Variants in GRIK4 observed in about 807,000 individuals in gnomAD.
The protein encoded by GRIK4 is glutamate receptor ionotropic, kainate 4.
A neutral mutation model predicts 104.9 loss-of-function variants in GRIK4; 40 were observed. The ratio of observed to expected loss-of-function variants is 0.38; its 90% CI spans 0.30 to 0.50. The LOEUF is 0.50. Ranked by LOEUF, GRIK4 falls within the 20% of genes least tolerant of loss-of-function variation. The probability of loss-of-function intolerance (pLI) is 0.93; values close to 1 mark genes in which losing one functional copy is unlikely to be tolerated. For missense variants in GRIK4, 1,047 were observed against 1,308.1 expected, an observed-to-expected ratio of 0.80 and a Z score of 3.08; for synonymous variants, 485 against 524.9, an observed-to-expected ratio of 0.92 and a Z score of 1.04.
chr11:120,948,297 A>G (rs1471358608), intron 14 of GRIK4, among the ~76,000 whole-genome samples: 1 of 152,238 alleles, frequency 6.6e-6, no homozygotes, highest in Non-Finnish European at 1.5e-5. Flanking sequence ...AGAAATGCAT[A>G]TGAAGGACCC....
intron 19 of GRIK4, among the ~76,000 whole-genome samples, chr11:120,979,892 G>A (rs918709829): frequency 1.3e-5 from 2 of 152,206 alleles, no homozygotes; most frequent in African/African-American, 4.8e-5. Flanking sequence ...GAGTGCTGGG[G>A]CACGATGTCG....
chr11:120,550,562 G>C (rs1422124913), intron 1 of GRIK4, among the ~76,000 whole-genome samples: 1 of 152,076 alleles, frequency 6.6e-6, no homozygotes, highest in Non-Finnish European at 1.5e-5. Context: ...GCAGAGGATG[G>C]CATTCTGGGG....
chr11:120,837,864 A>G (rs1001406355), intron 8 of GRIK4, among the ~76,000 whole-genome samples: 1 of 152,110 alleles, frequency 6.6e-6, no homozygotes, highest in Non-Finnish European at 1.5e-5. Flanking sequence ...GTTGTGTTCC[A>G]TTTTGGGAGC....
chr11:120,574,877 A>C lies in GRIK4; in HGVS notation c.-159+62990A>C, dbSNP rs76292913. ...TCTGTTTAATAAGAATTCATTGAGC[A>C]CCTACTATATGCCTGAGTCTACACC... is the stretch of plus-strand genomic sequence containing the variant. On this transcript the variant is annotated intron_variant, in intron 1 of 20. Coordinates refer to ENST00000527524, the MANE Select transcript of GRIK4 (RefSeq NM_014619.5). Among the ~76,000 whole-genome samples, 2,062 of 152,260 alleles carry C rather than the reference A, an allele frequency of 0.014. 102 individuals are homozygous for C. In the East Asian group the frequency reaches 0.15, roughly 11 times the overall value.
chr11:120,963,328 G>A (rs1037338511), intron 18 of GRIK4, among the ~76,000 whole-genome samples: 12 of 152,206 alleles, frequency 7.9e-5, no homozygotes, highest in Non-Finnish European at 1.2e-4. Flanking sequence ...CCAGAAAGGT[G>A]TCCTAGCTGT....
intron 6 of GRIK4, among the ~76,000 whole-genome samples, chr11:120,825,247 C>G (rs985159055): frequency 1.3e-5 from 2 of 152,116 alleles, no homozygotes; most frequent in African/African-American, 2.4e-5. Flanking sequence ...ATTTTAATGT[C>G]CTTTTTGTGG....
intron 1 of GRIK4, among the ~76,000 whole-genome samples, chr11:120,652,175 A>G (rs937124069): frequency 2.6e-5 from 4 of 152,366 alleles, no homozygotes; most frequent in South Asian, 2.1e-4. Context: ...AGTACTTTGC[A>G]TATAGTAAAT....
Position 120,818,379 on chromosome 11 carries a change from G to T in GRIK4, c.346-1376G>T, listed in dbSNP as rs564602477. 6.2e-4 allele frequency among the ~76,000 whole-genome samples: 94 copies of T among 152,314 alleles called. 1 individual carries two copies. In the South Asian group the frequency reaches 0.019, roughly 30 times the overall value. On this transcript the variant is annotated intron_variant, in intron 5 of 20. Transcript: ENST00000527524. ...TTTGTTATTCACTTTAGACAGAGTG[G>T]ATGGGATACAAAATACAAGCGGGAA...
chr11:120,846,768 T>C (rs1012018396), intron 8 of GRIK4, among the ~76,000 whole-genome samples: 4 of 152,224 alleles, frequency 2.6e-5, no homozygotes, highest in African/African-American at 7.2e-5. Flanking sequence ...CAAAGACCTT[T>C]CAACTCTGAA....
intron 1 of GRIK4, among the ~76,000 whole-genome samples, chr11:120,606,172 C>T (rs1284321897): frequency 2.0e-5 from 3 of 152,144 alleles, no homozygotes; most frequent in South Asian, 2.1e-4. Flanking sequence ...TATGTTTTGA[C>T]GCCTCATTTG....
intron 1 of GRIK4, among the ~76,000 whole-genome samples, chr11:120,618,654 G>A (rs142264292): frequency 1.2e-4 from 19 of 152,340 alleles, no homozygotes; most frequent in Non-Finnish European, 2.1e-4. Flanking sequence ...TCAGGACACT[G>A]TTCCATACAG....
In GRIK4 at chr11:120,831,943, C is replaced by T; in HGVS notation, c.603C>T (p.Thr201=). Residue 201 remains threonine, a synonymous_variant, in exon 7 of 21, where the codon ACC becomes ACT. Coordinates refer to ENST00000527524, the MANE Select transcript of GRIK4 (RefSeq NM_014619.5). Reference sequence around the variant, plus strand: ...TGCTGGATGACACCCGGGACCCCACCCCGCTCCTCAAGGAGATCCGGGACG... The same window carrying T: ...TGCTGGATGACACCCGGGACCCCACTCCGCTCCTCAAGGAGATCCGGGACG... ...VRMLDDTRDP[T]PLLKEIRDDK... 2.2e-5 allele frequency: 35 copies of T among 1,613,946 alleles called. No homozygotes were observed. The highest frequency in any genetic ancestry group is 2.9e-5 in the Non-Finnish European group (34 of 1,179,892).
At chr11:120,694,667 C>T (rs1950413608) in intron 3 of GRIK4, among the ~76,000 whole-genome samples, 1 of 152,160 alleles carries the variant, frequency 6.6e-6, no homozygotes, top group Admixed American at 6.5e-5. Flanking sequence ...AACAGCCCAG[C>T]CTTGGGTGCA....
chr11:120,774,625 C>A (rs1427618446), intron 3 of GRIK4, among the ~76,000 whole-genome samples: 2 of 152,178 alleles, frequency 1.3e-5, no homozygotes, highest in Non-Finnish European at 2.9e-5. Flanking sequence ...AAATGTTAAT[C>A]ATATAAAAAA....
rs1044215243 is a variant in GRIK4 at position 120,620,417 on chromosome 11, C to T, written c.-158-33268C>T. On this transcript the variant is annotated intron_variant, in intron 1 of 20. Transcript: ENST00000527524. ...GCCCCGTAGCTACCATAACCCAGTC[C>T]CCATGTATGGCCACAGCCCCTATTC... is the stretch of plus-strand genomic sequence containing the variant. 18 of 508,440 alleles carry T rather than the reference C, an allele frequency of 3.5e-5. No individual in the cohort carries two copies. In the Admixed American group the frequency reaches 6.2e-4, roughly 18 times the overall value. The allele number at this position is 508,440 out of a possible 1,614,324, so 31.5% of individuals were successfully genotyped here.
At position 120,561,341 on chromosome 11, in the gene GRIK4, G is replaced by A. The variant is rs916554585; in HGVS notation, c.-159+49454G>A. Among the ~76,000 whole-genome samples the A allele has an allele frequency of 4.6e-5, 7 of 152,196 alleles. No individual in the cohort carries two copies. In the South Asian group the frequency reaches 1.0e-3, roughly 22 times the overall value. ...TTCTAGAAGATATTTCTGCATCAAG[G>A]CGCCTGCTACTGGGCTTTGAGCTTT... On this transcript the variant is annotated intron_variant, in intron 1 of 20. Coordinates refer to ENST00000527524, the MANE Select transcript of GRIK4 (RefSeq NM_014619.5).
chr11:120,881,142 C>T (rs1302567215), intron 11 of GRIK4, among the ~76,000 whole-genome samples: 1 of 152,220 alleles, frequency 6.6e-6, no homozygotes, highest in African/African-American at 2.4e-5. Context: ...CACCACACTC[C>T]AGATGGGGCT....
chr11:120,696,243 C>G (rs149298926), intron 3 of GRIK4, among the ~76,000 whole-genome samples: 1 of 152,094 alleles, frequency 6.6e-6, no homozygotes, highest in Admixed American at 6.5e-5. Flanking sequence ...AGGGGTTGCC[C>G]GTGAGCACAT....
Position 120,544,834 on chromosome 11 carries a change from G to A in GRIK4, c.-159+32947G>A, listed in dbSNP as rs188872012. Among the ~76,000 whole-genome samples the A allele has an allele frequency of 1.4e-3, 219 of 152,230 alleles. 2 individuals carry two copies. The highest frequency in any genetic ancestry group is 3.4e-3 in the Middle Eastern group (1 of 294). ...AAGAATCAACAGAGATTCTTCAGTG[G>A]ATTCATTGAAGCCATATTTGTCCTT... On this transcript the variant is annotated intron_variant, in intron 1 of 20. Coordinates refer to ENST00000527524, the MANE Select transcript of GRIK4 (RefSeq NM_014619.5).
Sources: allele counts gnomAD v4.1 joint callset (sites outside exome capture counted in the v4.1 genomes callset), GRCh38; gene constraint gnomAD v4.1.1; transcripts MANE v1.5; gene names NCBI Gene and HGNC (gene_info 2026-07-23, HGNC 2026-07-21).